The following CNTNAP2 variants were observed in gnomAD, a reference collection of about 807,000 sequenced individuals.
The protein encoded by CNTNAP2 is contactin-associated protein-like 2.
Under a neutral mutation model 155.2 loss-of-function variants are expected in CNTNAP2, and 98 were observed. The observed-to-expected ratio is 0.63, with a 90% CI of 0.54 to 0.75. The LOEUF is 0.75. Among genes scored for constraint, CNTNAP2 ranks in the 30% least tolerant of loss-of-function variants. The pLI is 0.00. For synonymous variants in CNTNAP2, 651 were observed against 631.2 expected (o/e 1.03, Z -0.47); for missense variants, 1,727 against 1,688.1 (o/e 1.02, Z -0.40).
chr7:147,830,163 TAA>T (rs3055144), intron 13 of CNTNAP2, among the ~76,000 whole-genome samples: 70,316 of 144,920 alleles, frequency 0.49, 16,751 homozygotes, highest in South Asian at 0.58. Context: ...GGGTTGCTAT[TAA>T]AAAAAAAAAA....
At chr7:148,021,833 A>G (rs1802284027) in intron 15 of CNTNAP2, among the ~76,000 whole-genome samples, 1 of 152,190 alleles carries the variant, frequency 6.6e-6, no homozygotes, top group South Asian at 2.1e-4. Context: ...CCAAAGCTGT[A>G]CCGAGTCAGT....
chr7:148,325,021 GT>G, intron 21 of CNTNAP2, among the ~76,000 whole-genome samples: 1 of 152,292 alleles, frequency 6.6e-6, no homozygotes, highest in Middle Eastern at 3.4e-3. Context: ...GAAAATATCT[GT>G]GTCAAACTGA....
At chr7:146,496,906 T>C (rs1797223997) in intron 1 of CNTNAP2, among the ~76,000 whole-genome samples, 1 of 152,216 alleles carries the variant, frequency 6.6e-6, no homozygotes. Context: ...TTCTCAGTTC[T>C]TGAGTTATAG....
intron 14 of CNTNAP2, among the ~76,000 whole-genome samples, chr7:147,946,435 A>C (rs1800820891): frequency 6.6e-6 from 1 of 152,158 alleles, no homozygotes; most frequent in African/African-American, 2.4e-5. Context: ...CCCCCAAAAT[A>C]AACCAGATAG....
intron 1 of CNTNAP2, among the ~76,000 whole-genome samples, chr7:146,495,987 C>T (rs1584951194): frequency 6.6e-6 from 1 of 152,236 alleles, no homozygotes; most frequent in Middle Eastern, 3.4e-3. Context: ...TGGAGTGAGG[C>T]TCCTTCCTAC....
intron 3 of CNTNAP2, among the ~76,000 whole-genome samples, chr7:146,991,806 T>G (rs979065891): frequency 6.6e-6 from 1 of 152,144 alleles, no homozygotes; most frequent in African/African-American, 2.4e-5. Context: ...TTCCGTGTTG[T>G]TATGGTGATT....
chr7:146,666,986 TATG>T (rs1419643477), intron 1 of CNTNAP2, among the ~76,000 whole-genome samples: 2 of 152,180 alleles, frequency 1.3e-5, no homozygotes, highest in Non-Finnish European at 2.9e-5. Flanking sequence ...TTTAGTTTGA[TATG>T]ATACCATTTG....
chr7:146,334,355 C>T (rs924862289), intron 1 of CNTNAP2, among the ~76,000 whole-genome samples: 5 of 150,176 alleles, frequency 3.3e-5, no homozygotes, highest in Non-Finnish European at 5.9e-5. Context: ...GGCGTGAACC[C>T]GGCAGGTGGA....
chr7:147,253,906 T>C (rs1291864741), intron 8 of CNTNAP2, among the ~76,000 whole-genome samples: 1 of 152,154 alleles, frequency 6.6e-6, no homozygotes, highest in African/African-American at 2.4e-5. Context: ...ATGGCATCAG[T>C]CTTATTCCTA....
At chr7:146,537,171 T>A (rs769635783) in intron 1 of CNTNAP2, among the ~76,000 whole-genome samples, 2 of 152,084 alleles carry the variant, frequency 1.3e-5, no homozygotes, top group African/African-American at 4.8e-5. Flanking sequence ...GAAATATACA[T>A]GACAATATCT....
In CNTNAP2 at chr7:147,949,434, C is replaced by CCA. The variant is rs34265741; in HGVS notation, c.2256-28428_2256-28427insCA. ...CAAACCTGTGTTGTTCAAGGATCAACTGTGTGTATATATATATATATATAT... is the reference window on the plus strand; with the variant it reads ...CAAACCTGTGTTGTTCAAGGATCAACCATGTGTGTATATATATATATATATAT... On this transcript the variant is annotated intron_variant, in intron 14 of 23. Transcript: ENST00000361727. Among the ~76,000 whole-genome samples, 56 of 113,436 alleles carry CCA rather than the reference C, an allele frequency of 4.9e-4. 1 individual carries two copies. Among genetic ancestry groups the CCA allele is most frequent in the Middle Eastern group, 5.3e-3 (1 of 188 alleles). 74.4% of individuals were successfully genotyped at this position (113,436 alleles called of 152,430 possible). A position where few individuals can be genotyped will look rare whatever the true frequency, so the allele number is the denominator to read the frequency against.
chr7:147,856,577 A>G (rs953536065), intron 13 of CNTNAP2, among the ~76,000 whole-genome samples: 3 of 151,874 alleles, frequency 2.0e-5, no homozygotes, highest in Admixed American at 2.0e-4. Context: ...CAAGCGCCCA[A>G]TACTTATCTG....
At chr7:147,703,357 G>A (rs1234652089) in intron 13 of CNTNAP2, among the ~76,000 whole-genome samples, 1 of 152,186 alleles carries the variant, frequency 6.6e-6, no homozygotes, top group Non-Finnish European at 1.5e-5. Context: ...GTGGTCAAGT[G>A]AGGAGCCACC....
intron 1 of CNTNAP2, among the ~76,000 whole-genome samples, chr7:146,482,382 GTA>G (rs1054386734): frequency 7.6e-5 from 11 of 144,352 alleles, no homozygotes; most frequent in African/African-American, 1.1e-4. Context: ...GGATATATAT[GTA>G]TGTGTGTGTG....
chr7:147,997,668 C>T (rs1418767013), intron 15 of CNTNAP2, among the ~76,000 whole-genome samples: 2 of 152,010 alleles, frequency 1.3e-5, no homozygotes, highest in Non-Finnish European at 2.9e-5. Flanking sequence ...AGACAGGATG[C>T]TCTGAGAGAG....
intron 18 of CNTNAP2, among the ~76,000 whole-genome samples, chr7:148,206,884 C>A (rs867154274): frequency 6.6e-6 from 1 of 152,170 alleles, no homozygotes; most frequent in Non-Finnish European, 1.5e-5. Flanking sequence ...TTGTCAGGAT[C>A]CAACTCAGAT....
intron 9 of CNTNAP2, among the ~76,000 whole-genome samples, chr7:147,324,807 C>G (rs559879175): frequency 6.6e-6 from 1 of 151,492 alleles, no homozygotes; most frequent in East Asian, 1.9e-4. Flanking sequence ...GTTTTAAGTA[C>G]TCTATTAATT....
chr7:147,239,269 A>C (rs1027433867), intron 8 of CNTNAP2, among the ~76,000 whole-genome samples: 3 of 151,920 alleles, frequency 2.0e-5, no homozygotes, highest in African/African-American at 7.3e-5. Flanking sequence ...GCACTTTGGG[A>C]GGCTGAGGTG....
intron 11 of CNTNAP2, among the ~76,000 whole-genome samples, chr7:147,546,005 C>A (rs148809184): frequency 6.6e-6 from 1 of 152,132 alleles, no homozygotes; most frequent in Non-Finnish European, 1.5e-5. Context: ...TTTCACCTTC[C>A]GCCATGATTG....
Sources: allele counts gnomAD v4.1 joint callset (sites outside exome capture counted in the v4.1 genomes callset), GRCh38; gene constraint gnomAD v4.1.1; transcripts MANE v1.5; gene names NCBI Gene and HGNC (gene_info 2026-07-23, HGNC 2026-07-21).